The following MECOM variants were observed in gnomAD, a reference collection of about 807,000 sequenced individuals.
The protein encoded by MECOM is histone-lysine N-methyltransferase MECOM.
MECOM carries 13 observed loss-of-function variants against 116.3 expected under a neutral mutation model. The observed-to-expected ratio is 0.11, with a 90% CI of 0.07 to 0.18. The LOEUF (loss-of-function observed/expected upper bound fraction) is 0.18, where lower values mean the gene tolerates loss of function less well. Ranked by LOEUF, MECOM falls within the 10% of genes least tolerant of loss-of-function variation. MECOM has a pLI of 1.00. For missense variants in MECOM, 1,299 were observed against 1,509.0 expected (o/e 0.86, Z 2.31); for synonymous variants, 528 against 535.2 (o/e 0.99, Z 0.19).
At chr3:169,189,461 A>T (rs1236880242) in intron 2 of MECOM, among the ~76,000 whole-genome samples, 1 of 152,024 alleles carries the variant, frequency 6.6e-6, no homozygotes, top group Non-Finnish European at 1.5e-5. Flanking sequence ...TCATGTGGTG[A>T]TGTATCAATG....
At chr3:169,138,976 G>A (rs1737244436) in intron 3 of MECOM, among the ~76,000 whole-genome samples, 1 of 151,980 alleles carries the variant, frequency 6.6e-6, no homozygotes, top group Non-Finnish European at 1.5e-5. Flanking sequence ...GCGAACGCGG[G>A]GTGCCACATC....
At chr3:169,290,309 G>A (rs753294855) in intron 2 of MECOM, among the ~76,000 whole-genome samples, 29 of 152,104 alleles carry the variant, frequency 1.9e-4, no homozygotes, top group Non-Finnish European at 2.4e-4. Flanking sequence ...GTTTAAAGAC[G>A]TCTTATAATG....
intron 1 of MECOM, among the ~76,000 whole-genome samples, chr3:169,547,714 G>C (rs1302387797): frequency 6.6e-6 from 1 of 152,066 alleles, no homozygotes. Flanking sequence ...CTCAAGACTA[G>C]ATCATCCTGG....
chr3:169,435,917 T>C (rs887055056), intron 1 of MECOM, among the ~76,000 whole-genome samples: 5 of 152,216 alleles, frequency 3.3e-5, no homozygotes, highest in African/African-American at 1.2e-4. Flanking sequence ...GGTAACATTA[T>C]TAAGCACTAC....
intron 1 of MECOM, among the ~76,000 whole-genome samples, chr3:169,404,753 C>T (rs1394358010): frequency 1.3e-5 from 2 of 152,182 alleles, no homozygotes; most frequent in Admixed American, 6.5e-5. Context: ...AGTCACCCAG[C>T]GCACAAGTAT....
At chr3:169,450,581 C>T (rs182984053) in intron 1 of MECOM, among the ~76,000 whole-genome samples, 23 of 93,890 alleles carry the variant, frequency 2.4e-4, no homozygotes, top group African/African-American at 8.0e-4. Context: ...CAGGACAAAA[C>T]GAAAAAAAAA....
chr3:169,542,299 C>A (rs553813571), intron 1 of MECOM, among the ~76,000 whole-genome samples: 1 of 150,102 alleles, frequency 6.7e-6, no homozygotes, highest in Admixed American at 6.7e-5. Flanking sequence ...GGATTGTTTT[C>A]TTTTAATGTT....
intron 1 of MECOM, among the ~76,000 whole-genome samples, chr3:169,536,220 C>G (rs1759332841): frequency 6.6e-6 from 1 of 152,120 alleles, no homozygotes. Context: ...TAGTGAAACC[C>G]AGGTCAGGAG....
intron 1 of MECOM, among the ~76,000 whole-genome samples, chr3:169,496,074 G>C (rs965733153): frequency 6.6e-6 from 1 of 152,230 alleles, no homozygotes; most frequent in Non-Finnish European, 1.5e-5. Context: ...CTGCATTTAG[G>C]ATATGGGAGC....
intron 1 of MECOM, among the ~76,000 whole-genome samples, chr3:169,485,921 A>ATG (rs1395331620): frequency 0.036 from 3,216 of 88,554 alleles, 97 homozygotes; most frequent in East Asian, 0.1. Flanking sequence ...GTATGTATAT[A>ATG]TAGTATATAT....
chr3:169,528,253 G>C (rs1471139354), intron 1 of MECOM, among the ~76,000 whole-genome samples: 1 of 152,130 alleles, frequency 6.6e-6, no homozygotes, highest in Non-Finnish European at 1.5e-5. Context: ...ATATACAAGA[G>C]AGGACATCGG....
chr3:169,166,488 CATG>C (rs1467853405), intron 2 of MECOM, among the ~76,000 whole-genome samples: 6 of 152,070 alleles, frequency 3.9e-5, no homozygotes, highest in Non-Finnish European at 1.5e-5. Context: ...TAAAAATGTG[CATG>C]ATAATACATC....
At chr3:169,652,024 C>T (rs1267948924) in intron 1 of MECOM, among the ~76,000 whole-genome samples, 2 of 151,528 alleles carry the variant, frequency 1.3e-5, no homozygotes, top group Non-Finnish European at 2.9e-5. Flanking sequence ...GTGTATAAGA[C>T]AATGAAAAAA....
At chr3:169,587,870 A>T (rs1765958755) in intron 1 of MECOM, among the ~76,000 whole-genome samples, 1 of 149,736 alleles carries the variant, frequency 6.7e-6, no homozygotes, top group Non-Finnish European at 1.5e-5. Flanking sequence ...ACCTGCCAGG[A>T]AAAAAAAAAT....
At chr3:169,473,790 C>A (rs78043504) in intron 1 of MECOM, among the ~76,000 whole-genome samples, 40 of 62,770 alleles carry the variant, frequency 6.4e-4, no homozygotes, top group Admixed American at 2.5e-3. Flanking sequence ...AAAACAAAAA[C>A]AAAATACCAG....
At chr3:169,254,244 C>T (rs1276228923) in intron 2 of MECOM, among the ~76,000 whole-genome samples, 5 of 152,096 alleles carry the variant, frequency 3.3e-5, no homozygotes, top group Non-Finnish European at 7.4e-5. Context: ...TCTAGCACAT[C>T]CAAGTAGCAC....
At chr3:169,217,180 T>C (rs1411755866) in intron 2 of MECOM, among the ~76,000 whole-genome samples, 4 of 152,148 alleles carry the variant, frequency 2.6e-5, no homozygotes, top group Admixed American at 2.0e-4. Flanking sequence ...CATGACTACA[T>C]GGGTTTGTAT....
chr3:169,097,588 G>A (rs574466116), intron 12 of MECOM, among the ~76,000 whole-genome samples: 7 of 151,896 alleles, frequency 4.6e-5, no homozygotes, highest in African/African-American at 1.4e-4. Flanking sequence ...CAGACTTTGC[G>A]GAAGGCAATT....
chr3:169,083,794 C>A lies in MECOM; in HGVS notation c.*1115G>T, dbSNP rs1288874536. On this transcript the variant is annotated 3_prime_UTR_variant, in exon 17 of 17. Transcript: ENST00000651503. Reference sequence around the variant, plus strand: ...ATCGCACAAGCTTGCAGACAACCAGCATAAAATATGGAGTACAGTTTTTAA... The same window carrying A: ...ATCGCACAAGCTTGCAGACAACCAGAATAAAATATGGAGTACAGTTTTTAA... 1 of 211,154 alleles carries A rather than the reference C, an allele frequency of 4.7e-6. No individual in the cohort carries two copies. Among genetic ancestry groups the A allele is most frequent in the Non-Finnish European group, 9.6e-6 (1 of 104,176 alleles). 13.1% of individuals were successfully genotyped at this position (211,154 alleles called of 1,614,324 possible).
Sources: gnomAD v4.1 joint callset for allele counts (sites outside exome capture counted in the v4.1 genomes callset) on GRCh38, gnomAD v4.1.1 for gene constraint, MANE v1.5 for transcripts, NCBI Gene and HGNC (gene_info 2026-07-23, HGNC 2026-07-21) for gene names.